Variants in MYH3 observed in about 807,000 individuals in gnomAD.
MYH3 encodes the protein myosin heavy chain 3.
In MYH3, 130 loss-of-function variants were observed where a neutral mutation model predicts 238.0. The ratio of observed to expected loss-of-function variants is 0.55; its 90% CI spans 0.47 to 0.63. The LOEUF is 0.63. MYH3 is among the 30% of genes least tolerant of loss of function. MYH3 has a pLI of 0.00. For synonymous variants in MYH3, 880 were observed against 924.1 expected (o/e 0.95, Z 0.86); for missense variants, 1,853 against 2,374.9 (o/e 0.78, Z 4.57).
At chr17:10,648,325 A>T (rs890711986) in intron 8 of MYH3, among the ~76,000 whole-genome samples, 2 of 152,140 alleles carry the variant, frequency 1.3e-5, no homozygotes, top group African/African-American at 4.8e-5. Flanking sequence ...CCAGCCCCAC[A>T]GAGAGGTCTT....
chr17:10,629,715 T>C lies in MYH3; in HGVS notation c.5678A>G (p.His1893Arg). Reference sequence around the variant, plus strand: ...CTGAGCCTTTCGGAATTTGGTGAGATGAGCATTGGCTTGTTCATCCTAAAA... The same window carrying C: ...CTGAGCCTTTCGGAATTTGGTGAGACGAGCATTGGCTTGTTCATCCTAAAA... The part of the protein sequence containing the change: ...AEEADEQANA[H>R]LTKFRKAQHE... The change falls in exon 40 of 41, where the codon CAT becomes CGT. Residue 1893 changes from histidine (H) to arginine (R), a missense_variant. Physicochemically the swap from His to Arg is conservative, Grantham distance 29. This residue lies in a region of MYH3 where 1,044 missense variants were observed against 1,192.6 expected (regional missense o/e 0.88). Transcript: ENST00000583535. 1 of 1,614,238 alleles carries C rather than the reference T, an allele frequency of 6.2e-7. No individual in the cohort carries two copies. The highest frequency in any genetic ancestry group is 8.5e-7 in the Non-Finnish European group (1 of 1,180,036).
chr17:10,646,624 G>C (rs1874926721), intron 10 of MYH3, among the ~76,000 whole-genome samples: 1 of 152,188 alleles, frequency 6.6e-6, no homozygotes, highest in Non-Finnish European at 1.5e-5. Flanking sequence ...GGACAGTTAG[G>C]TGTTCAGTTG....
chr17:10,636,408 T>A (rs2074216158), intron 28 of MYH3, among the ~76,000 whole-genome samples: 1 of 150,936 alleles, frequency 6.6e-6, no homozygotes, highest in Non-Finnish European at 1.5e-5. Flanking sequence ...GAGCACCTAA[T>A]AACTCCCATC....
At chr17:10,667,379 C>T in the MYH3 span, among the ~76,000 whole-genome samples, 1 of 152,032 alleles carries the variant, frequency 6.6e-6, no homozygotes, top group Non-Finnish European at 1.5e-5. Context: ...CAATGTTATG[C>T]ACCCTTAAAA....
At chr17:10,652,814 G>C (rs771411709) in intron 3 of MYH3, among the ~76,000 whole-genome samples, 17 of 151,816 alleles carry the variant, frequency 1.1e-4, no homozygotes, top group Non-Finnish European at 2.1e-4. Flanking sequence ...GTAGAGACGG[G>C]GTTTCACCGT....
At position 10,639,042 on chromosome 17, in the gene MYH3, A is replaced by G; in HGVS notation, c.3248+2T>C. The G allele has an allele frequency of 6.2e-7, 1 of 1,614,252 alleles. No individual in the cohort carries two copies. ...ATGGAAGCCAGTGGTTGAAGGGCAT[A>G]CTTCTTGAGCCTTTCGTCCAGCTGT... On this transcript the variant is annotated splice_donor_variant, in intron 25 of 40. Transcript: ENST00000583535. LOFTEE classifies it high-confidence loss of function.
upstream of MYH3, among the ~76,000 whole-genome samples, chr17:10,661,808 C>T (rs1242477201): frequency 6.6e-6 from 1 of 152,116 alleles, no homozygotes; most frequent in Non-Finnish European, 1.5e-5. Flanking sequence ...AGAGCGTTCT[C>T]CATGCCCCAC....
chr17:10,652,986 G>A (rs556601690), intron 3 of MYH3, among the ~76,000 whole-genome samples: 1 of 152,200 alleles, frequency 6.6e-6, no homozygotes, highest in South Asian at 2.1e-4. Context: ...AGATGGAAGG[G>A]CCAAACCCTA....
At chr17:10,671,759 T>C in the MYH3 span, among the ~76,000 whole-genome samples, 2 of 151,918 alleles carry the variant, frequency 1.3e-5, no homozygotes, top group Non-Finnish European at 2.9e-5. Flanking sequence ...TTTTGTATTT[T>C]TAGTAGAGAC....
chr17:10,629,991 C>A (rs906814255), intron 38 of MYH3, 54 bp from the exon 39 acceptor site: 3 of 1,605,722 alleles, frequency 1.9e-6, no homozygotes, highest in Non-Finnish European at 2.6e-6. Flanking sequence ...GATTTGCACA[C>A]GGCATGGGCA....
intron 33 of MYH3, 99 bp from the exon 34 acceptor site, chr17:10,632,883 T>G: frequency 7.8e-7 from 1 of 1,281,344 alleles, no homozygotes; most frequent in South Asian, 1.2e-5. Flanking sequence ...TAGTCCTAAA[T>G]CTAATCCTAC....
chr17:10,649,831 G>A, intron 6 of MYH3, 146 bp from the exon 7 acceptor site: 3 of 774,226 alleles, frequency 3.9e-6, no homozygotes. Context: ...ACTTGAGAAG[G>A]CAGACGCCCA....
chr17:10,649,219 A>G (rs541367908), intron 7 of MYH3, among the ~76,000 whole-genome samples: 27 of 152,330 alleles, frequency 1.8e-4, no homozygotes, highest in South Asian at 1.0e-3. Context: ...AGTTGTCCGT[A>G]TTCATTTCAT....
At chr17:10,669,875 C>T in the MYH3 span, among the ~76,000 whole-genome samples, 1 of 152,292 alleles carries the variant, frequency 6.6e-6, no homozygotes, top group South Asian at 2.1e-4. Context: ...TGCACCACTG[C>T]ACTCCAGCCT....
chr17:10,674,413 C>A, the MYH3 span: 2 of 281,260 alleles, frequency 7.1e-6, no homozygotes, highest in South Asian at 3.2e-5. Context: ...GCAACAAGAG[C>A]GAAACTCCAT....
At position 10,630,080 on chromosome 17, in the gene MYH3, C is replaced by T. The variant is rs1432458500; in HGVS notation, c.5562+12G>A. On this transcript the variant is annotated intron_variant, in intron 38 of 40. Coordinates refer to ENST00000583535, the MANE Select transcript of MYH3 (RefSeq NM_002470.4). ...ACAGAGGACACGATCATGGCGTTTG[C>T]GTTCCACTTACCTGGTACGTCAGCT... 3.1e-6 allele frequency: 5 copies of T among 1,612,030 alleles called. No homozygotes were observed. Among genetic ancestry groups the T allele is most frequent in the East Asian group, 2.2e-5 (1 of 44,888 alleles).
chr17:10,648,192 G>T (rs2074341926), intron 8 of MYH3, among the ~76,000 whole-genome samples: 1 of 151,980 alleles, frequency 6.6e-6, no homozygotes, highest in African/African-American at 2.4e-5. Flanking sequence ...ACCCTCTGTA[G>T]GTGCCCTGAC....
rs146133846 is a variant in MYH3 at position 10,631,787 on chromosome 17, G to A, written c.5160+26C>T. 1,350 of 1,614,078 alleles carry A rather than the reference G, an allele frequency of 8.4e-4. 4 individuals are homozygous for A. The highest frequency in any genetic ancestry group is 1.1e-3 in the Non-Finnish European group (1,240 of 1,180,014). On this transcript the variant is annotated intron_variant, in intron 35 of 40. Transcript: ENST00000583535. ...CAGGTGCGTATGAGGCTGGAACCTC[G>A]CCTCTCTTCCTCTCCCTCCCCTCAC...
In MYH3 at chr17:10,639,621, A is replaced by G. The variant is rs186832966; in HGVS notation, c.2864T>C (p.Ile955Thr). The stretch of plus-strand genomic sequence containing the variant: ...GGCCAGGGTCAACTCAAGGTCATCA[A>G]TGTCTTTCTTGAGCTCTGAGCATTC... ...EDECSELKKD[I>T]DDLELTLAKV... is the part of the protein sequence containing the mutation. The change falls in exon 23 of 41, where the codon ATT becomes ACT. Residue 955 changes from isoleucine to threonine, a missense_variant. Transcript: ENST00000583535. 5 of 1,614,074 alleles carry G rather than the reference A, an allele frequency of 3.1e-6. No homozygotes were observed. In the Admixed American group the frequency reaches 6.7e-5, roughly 22 times the overall value.
Sources: allele counts gnomAD v4.1 joint callset (sites outside exome capture counted in the v4.1 genomes callset), GRCh38; gene constraint gnomAD v4.1.1; regional missense constraint gnomAD v4.1.1; transcripts MANE v1.5; gene names NCBI Gene and HGNC (gene_info 2026-07-23, HGNC 2026-07-21).